BBX: variants seen among roughly 807,000 people sequenced by gnomAD.
BBX encodes BBX high mobility group box domain containing, also known as HMG box transcription factor BBX.
Under a neutral mutation model 100.2 loss-of-function variants are expected in BBX, and 30 were observed. The ratio of observed to expected loss-of-function variants is 0.30; its 90% confidence interval spans 0.22 to 0.41. BBX has a LOEUF of 0.41. Among genes scored for constraint, BBX ranks in the 10% least tolerant of loss-of-function variants. The pLI, the probability that BBX is intolerant of heterozygous loss-of-function variation, is 1.00. For synonymous variants in BBX, 376 were observed against 388.1 expected, an observed-to-expected ratio of 0.97 and a Z score of 0.37; for missense variants, 1,023 against 1,129.8, an observed-to-expected ratio of 0.91 and a Z score of 1.35.
intron 2 of BBX, among the ~76,000 whole-genome samples, chr3:107,616,551 C>T (rs1230320684): frequency 1.3e-5 from 2 of 152,050 alleles, no homozygotes; most frequent in African/African-American, 2.4e-5. Flanking sequence ...ATTTTTGGTG[C>T]TATCGTTTTT....
At chr3:107,525,922 C>T (rs546450300) in intron 1 of BBX, among the ~76,000 whole-genome samples, 20 of 152,330 alleles carry the variant, frequency 1.3e-4, no homozygotes, top group Middle Eastern at 3.4e-3. Flanking sequence ...AGGCGAGGCT[C>T]GGGCTGCCTA....
At chr3:107,762,046 G>A (rs2065941679) in intron 10 of BBX, among the ~76,000 whole-genome samples, 1 of 152,056 alleles carries the variant, frequency 6.6e-6, no homozygotes. Context: ...CCGTGTGGTG[G>A]GTTTCTTTCC....
intron 3 of BBX, among the ~76,000 whole-genome samples, chr3:107,706,685 G>A (rs780862906): frequency 7.5e-4 from 114 of 152,202 alleles, no homozygotes; most frequent in Non-Finnish European, 1.4e-3. Flanking sequence ...GAGGTTATTA[G>A]CTTAATTTGC....
chr3:107,712,833 T>C (rs993437441), intron 4 of BBX, among the ~76,000 whole-genome samples: 59 of 152,196 alleles, frequency 3.9e-4, no homozygotes, highest in African/African-American at 1.4e-3. Flanking sequence ...TCACAGCACC[T>C]AGAAGAGTGG....
chr3:107,664,464 T>C (rs1000416919), intron 3 of BBX, among the ~76,000 whole-genome samples: 1 of 152,210 alleles, frequency 6.6e-6, no homozygotes, highest in Non-Finnish European at 1.5e-5. Flanking sequence ...AGTTTAAAAA[T>C]GGAAAAGATT....
intron 2 of BBX, among the ~76,000 whole-genome samples, chr3:107,640,927 G>A (rs1384018023): frequency 6.6e-6 from 1 of 152,108 alleles, no homozygotes; most frequent in Non-Finnish European, 1.5e-5. Context: ...CTCCCAAAGT[G>A]GTGGGATTAA....
chr3:107,578,699 A>G (rs2052021679), intron 2 of BBX, among the ~76,000 whole-genome samples: 1 of 152,128 alleles, frequency 6.6e-6, no homozygotes, highest in Non-Finnish European at 1.5e-5. Flanking sequence ...AGGAAGGAGA[A>G]GCACAGCACA....
At chr3:107,698,941 C>T (rs1305410085) in intron 3 of BBX, among the ~76,000 whole-genome samples, 7 of 151,472 alleles carry the variant, frequency 4.6e-5, no homozygotes, top group Admixed American at 3.3e-4. Flanking sequence ...ATGGCAAGGA[C>T]GGATTAGAAA....
intron 2 of BBX, among the ~76,000 whole-genome samples, chr3:107,555,176 G>T (rs966556750): frequency 6.6e-6 from 1 of 152,206 alleles, no homozygotes; most frequent in Admixed American, 6.5e-5. Flanking sequence ...TATTTGAGGT[G>T]TAGTTGCTCA....
intron 3 of BBX, among the ~76,000 whole-genome samples, chr3:107,676,614 C>G (rs72941367): frequency 0.053 from 8,073 of 152,200 alleles, 688 homozygotes; most frequent in African/African-American, 0.18. Flanking sequence ...TAAATTGAAT[C>G]TCCTTTCTAA....
At chr3:107,655,225 T>TC (rs2058063026) in intron 3 of BBX, among the ~76,000 whole-genome samples, 1 of 152,134 alleles carries the variant, frequency 6.6e-6, no homozygotes, top group South Asian at 2.1e-4. Context: ...TAATTGTACC[T>TC]CCCCCAATTT....
intron 1 of BBX, among the ~76,000 whole-genome samples, chr3:107,525,727 T>A (rs922632571): frequency 2.6e-5 from 4 of 152,218 alleles, no homozygotes; most frequent in Admixed American, 2.6e-4. Flanking sequence ...CTGGTGGCCC[T>A]GCACTTGCCG....
intron 17 of BBX, among the ~76,000 whole-genome samples, chr3:107,803,756 T>C (rs1457123758): frequency 6.6e-6 from 1 of 152,144 alleles, no homozygotes; most frequent in Non-Finnish European, 1.5e-5. Context: ...AAGGAAAGCT[T>C]CAGTCATGTC....
At chr3:107,568,625 A>G (rs2051115191) in intron 2 of BBX, among the ~76,000 whole-genome samples, 1 of 152,078 alleles carries the variant, frequency 6.6e-6, no homozygotes, top group Non-Finnish European at 1.5e-5. Flanking sequence ...GGAATTGCCA[A>G]CAGATGGAAG....
At chr3:107,540,174 A>G (rs1366313139) in intron 2 of BBX, among the ~76,000 whole-genome samples, 1 of 152,232 alleles carries the variant, frequency 6.6e-6, no homozygotes, top group Non-Finnish European at 1.5e-5. Context: ...ATTTATAGAC[A>G]TGAAAAGTTA....
chr3:107,534,373 T>A (rs949356401), intron 2 of BBX, among the ~76,000 whole-genome samples: 5 of 152,212 alleles, frequency 3.3e-5, no homozygotes, highest in African/African-American at 1.2e-4. Flanking sequence ...GAGAAAATAA[T>A]TCTTTACATC....
intron 3 of BBX, among the ~76,000 whole-genome samples, chr3:107,658,675 A>G (rs2058276842): frequency 6.6e-6 from 1 of 152,092 alleles, no homozygotes; most frequent in Non-Finnish European, 1.5e-5. Context: ...GATTATGATT[A>G]AAAACTACAG....
At chr3:107,743,434 G>A (rs538089715) in intron 7 of BBX, among the ~76,000 whole-genome samples, 4 of 152,320 alleles carry the variant, frequency 2.6e-5, no homozygotes, top group African/African-American at 9.6e-5. Flanking sequence ...GACAATAAGA[G>A]AGTCAGGCTT....
intron 2 of BBX, among the ~76,000 whole-genome samples, chr3:107,640,122 G>A (rs1245904427): frequency 6.6e-6 from 1 of 152,116 alleles, no homozygotes; most frequent in African/African-American, 2.4e-5. Flanking sequence ...TCCCAATTTT[G>A]CTGATGAGGA....
Sources: allele counts gnomAD v4.1 joint callset (sites outside exome capture counted in the v4.1 genomes callset), GRCh38; gene constraint gnomAD v4.1.1; transcripts MANE v1.5; gene names NCBI Gene and HGNC (gene_info 2026-07-23, HGNC 2026-07-21).